RARB: variants seen among roughly 807,000 people sequenced by gnomAD.
The protein encoded by RARB is HBV-activated protein.
RARB carries 17 observed loss-of-function variants against 51.9 expected under a neutral mutation model. That is an observed-to-expected ratio of 0.33 (90% CI 0.22 to 0.49). RARB has a LOEUF of 0.49. RARB is among the 20% of genes least tolerant of loss of function. RARB has a pLI of 0.99. For synonymous variants in RARB, 215 were observed against 195.4 expected, an observed-to-expected ratio of 1.10 and a Z score of -0.84; for missense variants, 369 against 550.8, an observed-to-expected ratio of 0.67 and a Z score of 3.30.
chr3:24,977,191 G>A (rs1313686242), intron 2 of RARB, among the ~76,000 whole-genome samples: 1 of 152,146 alleles, frequency 6.6e-6, no homozygotes, highest in Non-Finnish European at 1.5e-5. Context: ...AAGTCAGGGA[G>A]CTTGATGCCT....
In RARB at chr3:25,476,572, A is replaced by G. The variant is rs1336465714; in HGVS notation, c.306+15231A>G. 2.0e-5 allele frequency among the ~76,000 whole-genome samples: 3 copies of G among 152,118 alleles called. No individual in the cohort carries two copies. The East Asian group carries it at 5.8e-4, about 29-fold the overall frequency. On this transcript the variant is annotated intron_variant, in intron 2 of 7. Coordinates refer to ENST00000330688, the MANE Select transcript of RARB (RefSeq NM_000965.5). ...ATTGCCTCCCTCCAAACTGAATATG[A>G]TCATAACGTATCTTTCATTTTATCT...
intron 5 of RARB, among the ~76,000 whole-genome samples, chr3:25,278,971 TAA>T (rs1436527389): frequency 1.3e-5 from 2 of 152,162 alleles, no homozygotes; most frequent in African/African-American, 2.4e-5. Flanking sequence ...ATTTAAACCC[TAA>T]AAGATTGTGC....
intron 5 of RARB, among the ~76,000 whole-genome samples, chr3:25,284,490 A>C (rs747426583): frequency 2.6e-5 from 4 of 152,144 alleles, no homozygotes; most frequent in Non-Finnish European, 4.4e-5. Flanking sequence ...TACTCAAGGA[A>C]AATATTACTC....
chr3:24,908,668 T>TTTTG (rs1553613052), intron 2 of RARB, among the ~76,000 whole-genome samples: 2 of 122,096 alleles, frequency 1.6e-5, no homozygotes, highest in Admixed American at 1.8e-4. Context: ...CAACTGTTTT[T>TTTTG]TTTTTTTTTT....
chr3:25,058,548 A>T (rs1166118691), intron 2 of RARB, among the ~76,000 whole-genome samples: 1 of 150,402 alleles, frequency 6.6e-6, no homozygotes, highest in Admixed American at 6.6e-5. Context: ...ACCAAGTAAA[A>T]AGCAAATAAG....
At chr3:25,425,087 CAAAG>C (rs1278763694), upstream of RARB, among the ~76,000 whole-genome samples, 2 of 152,130 alleles carry the variant, frequency 1.3e-5, no homozygotes, top group Non-Finnish European at 2.9e-5. Context: ...TGATCAAACA[CAAAG>C]AAAATAGAGA....
chr3:25,199,197 G>A (rs1701328553), intron 5 of RARB, among the ~76,000 whole-genome samples: 1 of 151,914 alleles, frequency 6.6e-6, no homozygotes, highest in Non-Finnish European at 1.5e-5. Context: ...GACAGGCACA[G>A]AAAGATAAAC....
chr3:25,323,542 A>G (rs914262667), intron 5 of RARB, among the ~76,000 whole-genome samples: 1 of 152,224 alleles, frequency 6.6e-6, no homozygotes, highest in African/African-American at 2.4e-5. Context: ...AAATCTTCCA[A>G]AATGAAAACT....
intron 5 of RARB, among the ~76,000 whole-genome samples, chr3:25,219,891 A>G (rs184719645): frequency 1.9e-3 from 290 of 152,348 alleles, no homozygotes; most frequent in Non-Finnish European, 3.5e-3. Flanking sequence ...AAAATAATCT[A>G]AGAGCAGAAA....
At chr3:25,161,514 T>C (rs1700472739) in intron 4 of RARB, among the ~76,000 whole-genome samples, 1 of 152,158 alleles carries the variant, frequency 6.6e-6, no homozygotes, top group South Asian at 2.1e-4. Flanking sequence ...TTAATGTTAA[T>C]GTAGAATTGT....
chr3:24,932,178 C>G (rs1695455065), intron 2 of RARB, among the ~76,000 whole-genome samples: 1 of 151,996 alleles, frequency 6.6e-6, no homozygotes, highest in African/African-American at 2.4e-5. Flanking sequence ...TTCGTCGGCC[C>G]TTTCACTCAG....
intron 2 of RARB, among the ~76,000 whole-genome samples, chr3:24,940,530 C>T (rs1461504865): frequency 1.3e-5 from 2 of 152,174 alleles, no homozygotes; most frequent in African/African-American, 4.8e-5. Flanking sequence ...CAAGCAACAA[C>T]TCAAATTTCC....
intron 3 of RARB, among the ~76,000 whole-genome samples, chr3:25,062,275 G>T (rs1385264367): frequency 6.6e-6 from 1 of 151,748 alleles, no homozygotes; most frequent in South Asian, 2.1e-4. Context: ...ACATATAAAA[G>T]CTATATTTTG....
intron 5 of RARB, among the ~76,000 whole-genome samples, chr3:25,357,278 T>C (rs536425782): frequency 1.4e-4 from 21 of 152,372 alleles, no homozygotes; most frequent in South Asian, 4.1e-4. Context: ...ATAATGAGCT[T>C]TCTTTCATAT....
intron 2 of RARB, among the ~76,000 whole-genome samples, chr3:24,861,975 T>A (rs532442486): frequency 6.6e-6 from 1 of 152,332 alleles, no homozygotes; most frequent in South Asian, 2.1e-4. Flanking sequence ...GCTGTCCTGC[T>A]GACCAGGCAC....
intron 4 of RARB, among the ~76,000 whole-genome samples, chr3:25,163,504 A>AAAAAAAAAAAAAATATATATAT (rs1303712411): frequency 1.4e-4 from 19 of 131,100 alleles, no homozygotes; most frequent in African/African-American, 5.8e-4. Context: ...CCTATCTCAA[A>AAAAAAAAAAAAAATATATATAT]ATATATATAT....
intron 5 of RARB, among the ~76,000 whole-genome samples, chr3:25,592,283 C>T (rs1410423231): frequency 6.6e-6 from 1 of 152,206 alleles, no homozygotes; most frequent in Non-Finnish European, 1.5e-5. Flanking sequence ...GGACTATACC[C>T]AGTCAAATTG....
At chr3:25,437,722 T>A (rs1708493349) in intron 1 of RARB, among the ~76,000 whole-genome samples, 1 of 152,188 alleles carries the variant, frequency 6.6e-6, no homozygotes, top group South Asian at 2.1e-4. Flanking sequence ...TTTTTCTGTG[T>A]GCAGGCCTCA....
intron 5 of RARB, among the ~76,000 whole-genome samples, chr3:25,406,248 G>A (rs934445553): frequency 6.6e-6 from 1 of 152,182 alleles, no homozygotes; most frequent in Admixed American, 6.5e-5. Flanking sequence ...GGATCGCTGT[G>A]AGTCAGAAGA....
Sources: allele counts gnomAD v4.1 joint callset (sites outside exome capture counted in the v4.1 genomes callset), GRCh38; gene constraint gnomAD v4.1.1; transcripts MANE v1.5; gene names NCBI Gene and HGNC (gene_info 2026-07-23, HGNC 2026-07-21).